UPF1: variants seen among roughly 807,000 people sequenced by gnomAD.
UPF1 encodes UPF1 RNA helicase and ATPase, also known as regulator of nonsense transcripts 1.
In UPF1, 9 loss-of-function variants were observed where a neutral mutation model predicts 129.2. The ratio of observed to expected loss-of-function variants is 0.07; its 90% CI spans 0.04 to 0.12. UPF1 has a LOEUF of 0.12. Among genes scored for constraint, UPF1 ranks in the 10% least tolerant of loss-of-function variants. The pLI, the probability that UPF1 is intolerant of heterozygous loss-of-function variation, is 1.00. For missense variants in UPF1, 788 were observed against 1,525.3 expected (o/e 0.52, Z 8.05); for synonymous variants, 649 against 644.9 (o/e 1.01, Z -0.10).
chr19:18,844,736 C>CGAA (rs2145942923), intron 1 of UPF1, among the ~76,000 whole-genome samples: 1 of 152,336 alleles, frequency 6.6e-6, no homozygotes, highest in Non-Finnish European at 1.5e-5. Flanking sequence ...TCTTGTCCTT[C>CGAA]ACCCATCATG....
Position 18,865,699 on chromosome 19 carries a change from C to T in UPF1, c.3158C>T (p.Ala1053Val), listed in dbSNP as rs748365023. 5 of 1,613,796 alleles carry T rather than the reference C, an allele frequency of 3.1e-6. No homozygotes were observed. The highest frequency in any genetic ancestry group is 4.2e-6 in the Non-Finnish European group (5 of 1,180,030). ...GCGTCACAGCCCTTCTCTCAGGGCG[C>T]CCTGACGCAGGGCTACATCTCCATG... ...DVASQPFSQG[A>V]LTQGYISMSQ... The change falls in exon 22 of 24, where the codon GCC becomes GTC. Residue 1053 changes from alanine (A) to valine (V), a missense_variant. Ala to Val is a moderately conservative substitution (Grantham distance 64, BLOSUM62 0). This residue lies in a region of UPF1 where 218 missense variants were observed against 318.1 expected (regional missense o/e 0.69). Coordinates refer to ENST00000262803, the MANE Select transcript of UPF1 (RefSeq NM_002911.4). The surrounding 1 kb of genome is among the most constrained non-coding windows in gnomAD (Gnocchi z 6.1).
intron 13 of UPF1, 37 bp downstream of exon 13, chr19:18,856,337 C>T: frequency 6.4e-7 from 1 of 1,555,842 alleles, no homozygotes; most frequent in Non-Finnish European, 8.8e-7. Flanking sequence ...GGCCTGTGGG[C>T]TGGCGGCCTG....
intron 1 of UPF1, among the ~76,000 whole-genome samples, chr19:18,834,895 A>G (rs772247454): frequency 3.3e-5 from 5 of 152,144 alleles, no homozygotes; most frequent in Non-Finnish European, 7.4e-5. Context: ...GGAAGTGGCT[A>G]TCAGCTGTCA....
chr19:18,835,495 C>T (rs2055474276), intron 1 of UPF1, among the ~76,000 whole-genome samples: 1 of 151,982 alleles, frequency 6.6e-6, no homozygotes, highest in Non-Finnish European at 1.5e-5. Flanking sequence ...GTGCACACCA[C>T]CATGCCCCGG....
Position 18,865,753 on chromosome 19 carries a change from G to C in UPF1, c.3212G>C (p.Gly1071Ala), listed in dbSNP as rs1307529701. 6 of 1,612,964 alleles carry C rather than the reference G, an allele frequency of 3.7e-6. No homozygotes were observed. In the Admixed American group the frequency reaches 1.0e-4, roughly 27 times the overall value. ...CAGCCTTCCCAGATGAGCCAGCCCGGCCTCTCCCAGCCGGAGCTGTCCCAG... is the reference window on the plus strand; with the variant it reads ...CAGCCTTCCCAGATGAGCCAGCCCGCCCTCTCCCAGCCGGAGCTGTCCCAG... ...MSQPSQMSQP[G>A]LSQPELSQDS... The change falls in exon 22 of 24, where the codon GGC becomes GCC. Residue 1071 changes from glycine (G) to alanine (A), a missense_variant. Transcript: ENST00000262803. This position sits in a 1 kb window ranked among gnomAD's most constrained non-coding sequence, Gnocchi z 6.1.
rs1354349724 is a variant in UPF1, at chr19:18,866,171, GC to G, written c.*3+11del. 1.3e-6 allele frequency: 2 copies of G among 1,587,688 alleles called. No homozygotes were observed. Among genetic ancestry groups the G allele is most frequent in the Admixed American group, 1.8e-5 (1 of 55,958 alleles). ...GGGCTGTCCCAGTATTAAAAGGCAA[GC>G]CCCCCTGGAGCAGGCCTGGCCCCAC... On this transcript the variant is annotated splice_donor_region_variant and intron_variant, in intron 23 of 23. Coordinates refer to ENST00000262803, the MANE Select transcript of UPF1 (RefSeq NM_002911.4).
chr19:18,839,818 A>G (rs911963611), intron 1 of UPF1, among the ~76,000 whole-genome samples: 7 of 152,210 alleles, frequency 4.6e-5, no homozygotes, highest in African/African-American at 1.7e-4. Flanking sequence ...CCGCGGTTGC[A>G]CTGTTAGAAG....
chr19:18,846,647 A>G (rs923572318), intron 2 of UPF1, among the ~76,000 whole-genome samples: 4 of 152,062 alleles, frequency 2.6e-5, no homozygotes, highest in Non-Finnish European at 4.4e-5. Context: ...GTTGAGGCTT[A>G]TTTCTGTATT....
chr19:18,860,130 C>G lies in UPF1; in HGVS notation c.2183-191C>G, dbSNP rs1045129901. ...CATGGTGCTCTCGGTGGCCTCTCCT[C>G]AGCCTTGCCCAATCCTGGGCATCTC... is the stretch of plus-strand genomic sequence containing the variant. On this transcript the variant is annotated intron_variant, in intron 15 of 23. Coordinates refer to ENST00000262803, the MANE Select transcript of UPF1 (RefSeq NM_002911.4). 8 of 604,474 alleles carry G rather than the reference C, an allele frequency of 1.3e-5. No homozygotes were observed. In the Admixed American group the frequency reaches 1.6e-4, roughly 12 times the overall value. The allele number at this position is 604,474 out of a possible 1,614,324, so 37.4% of individuals were successfully genotyped here. A position where few individuals can be genotyped will look rare whatever the true frequency, so the allele number is the denominator to read the frequency against.
At chr19:18,842,173 G>A (rs2055548989) in intron 1 of UPF1, among the ~76,000 whole-genome samples, 1 of 152,208 alleles carries the variant, frequency 6.6e-6, no homozygotes, top group Non-Finnish European at 1.5e-5. Flanking sequence ...TCAACTCCTA[G>A]CAGTTTCACG....
intron 18 of UPF1, 127 bp downstream of exon 18, chr19:18,862,279 G>A (rs766377545): frequency 8.7e-5 from 123 of 1,413,572 alleles, no homozygotes; most frequent in Non-Finnish European, 1.1e-4. Flanking sequence ...GTTGAGAAAC[G>A]ATGTCTCACT....
At position 18,832,365 on chromosome 19, in the gene UPF1, C is replaced by CGGCCCGGGCGGTGGCGGCGCGGGA. The variant is rs768202667; in HGVS notation, c.168_191dup (p.Gly57_Gly64dup). ...CGCAGACGCCCCCCGGCGGCCCCGG[C>CGGCCCGGGCGGTGGCGGCGCGGGA]GGCCCGGGCGGTGGCGGCGCGGGAG... On this transcript the variant is annotated inframe_insertion, in exon 1 of 24. Coordinates refer to ENST00000262803, the MANE Select transcript of UPF1 (RefSeq NM_002911.4). The surrounding 1 kb of genome is among the most constrained non-coding windows in gnomAD (Gnocchi z 5.6). 1.5e-6 allele frequency: 2 copies of CGGCCCGGGCGGTGGCGGCGCGGGA among 1,306,294 alleles called. No homozygotes were observed. The highest frequency in any genetic ancestry group is 2.0e-6 in the Non-Finnish European group (2 of 1,005,152). The allele number at this position is 1,306,294 out of a possible 1,614,324, so 80.9% of individuals were successfully genotyped here.
intron 20 of UPF1, 109 bp downstream of exon 20, chr19:18,864,360 G>A (rs1168738084): frequency 1.0e-6 from 1 of 990,672 alleles, no homozygotes; most frequent in African/African-American, 1.6e-5. Flanking sequence ...CCCCTCAAGG[G>A]CGGTGCCTGG....
At chr19:18,846,263 G>A (rs2055597597) in intron 2 of UPF1, 144 bp downstream of exon 2, 3 of 1,279,820 alleles carry the variant, frequency 2.3e-6, no homozygotes, top group Non-Finnish European at 3.2e-6. Context: ...TAAGGAAATT[G>A]CTCAGGCCAT....
rs754610151 is a variant in UPF1 at position 18,850,663 on chromosome 19, C to G, written c.630-25C>G. ...GGGGCTTCAGGGACGGGAGCTGGTC[C>G]TCACGGCCCCCTCCCGCTCTGCAGG... On this transcript the variant is annotated intron_variant, in intron 4 of 23. Transcript: ENST00000262803. This position sits in a 1 kb window ranked among gnomAD's most constrained non-coding sequence, Gnocchi z 7.1. The G allele has an allele frequency of 8.5e-6, 13 of 1,535,658 alleles. No homozygotes were observed. In the South Asian group the frequency reaches 1.6e-4, roughly 19 times the overall value.
Position 18,832,569 on chromosome 19 carries a change from G to A in UPF1, c.231+129G>A, listed in dbSNP as rs1406448647. 4.1e-5 allele frequency: 27 copies of A among 664,302 alleles called. 1 individual carries two copies. In the East Asian group the frequency reaches 2.4e-3, roughly 60 times the overall value. 41.2% of individuals were successfully genotyped at this position (664,302 alleles called of 1,614,324 possible). A position where few individuals can be genotyped will look rare whatever the true frequency, so the allele number is the denominator to read the frequency against. ...ATCGCGGCCGGGCCTGGGGCGATCT[G>A]CCCCGGGTCCCCTACTCTGGCTCGG... On this transcript the variant is annotated intron_variant, in intron 1 of 23. Coordinates refer to ENST00000262803, the MANE Select transcript of UPF1 (RefSeq NM_002911.4). The surrounding 1 kb of genome is among the most constrained non-coding windows in gnomAD (Gnocchi z 5.6).
chr19:18,855,380 GCTCT>G (rs1326186730), intron 11 of UPF1, 138 bp downstream of exon 11: 19 of 877,766 alleles, frequency 2.2e-5, no homozygotes, highest in Non-Finnish European at 2.7e-5. Context: ...GGTGCCTACC[GCTCT>G]CTATGTGACA....
intron 19 of UPF1, 27 bp downstream of exon 19, chr19:18,863,639 C>T (rs377135366): frequency 6.3e-7 from 1 of 1,596,958 alleles, no homozygotes; most frequent in African/African-American, 1.3e-5. Context: ...GACAGCAGGG[C>T]AGCACGGAGA....
At chr19:18,862,599 G>T (rs564397461) in intron 18 of UPF1, among the ~76,000 whole-genome samples, 1 of 152,050 alleles carries the variant, frequency 6.6e-6, no homozygotes, top group Non-Finnish European at 1.5e-5. Context: ...ACTTTGGGAG[G>T]CCGAGGCAGG....
Sources: allele counts gnomAD v4.1 joint callset (sites outside exome capture counted in the v4.1 genomes callset), GRCh38; gene constraint gnomAD v4.1.1; regional missense constraint gnomAD v4.1.1; non-coding constraint Gnocchi (gnomAD v3.1); transcripts MANE v1.5; gene names NCBI Gene and HGNC (gene_info 2026-07-23, HGNC 2026-07-21).